The following ASAP2 variants were observed in gnomAD, a reference collection of about 807,000 sequenced individuals.
ASAP2 encodes arf-GAP with SH3 domain, ANK repeat and PH domain-containing protein 2.
A neutral mutation model predicts 131.4 loss-of-function variants in ASAP2; 45 were observed. The observed-to-expected ratio is 0.34, with a 90% CI of 0.27 to 0.44. The LOEUF is 0.44. Among genes scored for constraint, ASAP2 ranks in the 20% least tolerant of loss-of-function variants. ASAP2 has a pLI of 1.00. For missense variants in ASAP2, 1,011 were observed against 1,297.0 expected, an observed-to-expected ratio of 0.78 and a Z score of 3.39; for synonymous variants, 510 against 503.0, an observed-to-expected ratio of 1.01 and a Z score of -0.19.
chr2:9,376,025 G>A (rs1674372876), intron 17 of ASAP2, among the ~76,000 whole-genome samples: 1 of 152,244 alleles, frequency 6.6e-6, no homozygotes, highest in Non-Finnish European at 1.5e-5. Flanking sequence ...CCCTGTAGAT[G>A]CACATTTGGT....
At chr2:9,364,000 C>G (rs1411621303) in intron 15 of ASAP2, among the ~76,000 whole-genome samples, 1 of 152,164 alleles carries the variant, frequency 6.6e-6, no homozygotes, top group Non-Finnish European at 1.5e-5. Context: ...AGCAAACCTA[C>G]TTTGGGAAAA....
At chr2:9,251,047 A>G (rs145420401) in intron 1 of ASAP2, among the ~76,000 whole-genome samples, 2 of 152,360 alleles carry the variant, frequency 1.3e-5, no homozygotes, top group African/African-American at 4.8e-5. Context: ...TAGAGTTTGA[A>G]TTGGAGACAG....
At chr2:9,307,449 T>C (rs561590584) in intron 3 of ASAP2, among the ~76,000 whole-genome samples, 20 of 152,382 alleles carry the variant, frequency 1.3e-4, no homozygotes, top group Non-Finnish European at 2.4e-4. Flanking sequence ...CTTTCATTTC[T>C]GGTTGATGGC....
chr2:9,237,554 G>A (rs1663639773), intron 1 of ASAP2, among the ~76,000 whole-genome samples: 1 of 151,898 alleles, frequency 6.6e-6, no homozygotes, highest in African/African-American at 2.4e-5. Flanking sequence ...TGGGACTACA[G>A]GTACATGCCA....
At chr2:9,218,751 T>G (rs1027200187) in intron 1 of ASAP2, among the ~76,000 whole-genome samples, 1 of 152,270 alleles carries the variant, frequency 6.6e-6, no homozygotes, top group African/African-American at 2.4e-5. Context: ...CCATGTCTGC[T>G]GCTGTCTGCA....
chr2:9,367,908 A>G (rs1464117839), intron 15 of ASAP2, among the ~76,000 whole-genome samples: 1 of 152,246 alleles, frequency 6.6e-6, no homozygotes, highest in Non-Finnish European at 1.5e-5. Context: ...AAGTATAGGT[A>G]TCATCCCATT....
intron 22 of ASAP2, among the ~76,000 whole-genome samples, chr2:9,390,061 G>A (rs921829253): frequency 6.6e-6 from 1 of 152,236 alleles, no homozygotes; most frequent in Non-Finnish European, 1.5e-5. Flanking sequence ...GGGTCATGGA[G>A]GGGTAAACTC....
intron 1 of ASAP2, among the ~76,000 whole-genome samples, chr2:9,259,635 G>A (rs1323531928): frequency 6.6e-6 from 1 of 152,222 alleles, no homozygotes; most frequent in Non-Finnish European, 1.5e-5. Flanking sequence ...CTTGCTCCTT[G>A]GCGCTCTCAG....
At chr2:9,231,390 C>T (rs1663151125) in intron 1 of ASAP2, among the ~76,000 whole-genome samples, 7 of 152,160 alleles carry the variant, frequency 4.6e-5, no homozygotes, top group Admixed American at 4.6e-4. Context: ...CTTTAAGACC[C>T]AGTTTTAGCA....
chr2:9,267,306 T>G (rs1433579730), intron 1 of ASAP2, among the ~76,000 whole-genome samples: 1 of 152,158 alleles, frequency 6.6e-6, no homozygotes, highest in Non-Finnish European at 1.5e-5. Flanking sequence ...ATCTCTCCGC[T>G]CTCTAGTAGT....
At chr2:9,344,916 T>G in intron 11 of ASAP2, 116 bp downstream of exon 11, 1 of 802,670 alleles carries the variant, frequency 1.2e-6, no homozygotes, top group Non-Finnish European at 1.9e-6. Flanking sequence ...ATTAAGGATG[T>G]GTCTTAGAGA....
intron 1 of ASAP2, among the ~76,000 whole-genome samples, chr2:9,253,447 A>C (rs1274224720): frequency 6.6e-6 from 1 of 152,206 alleles, no homozygotes; most frequent in Non-Finnish European, 1.5e-5. Context: ...TACAGGCATG[A>C]ACCACTGTGC....
chr2:9,223,040 A>C (rs751642279), intron 1 of ASAP2, among the ~76,000 whole-genome samples: 1 of 152,142 alleles, frequency 6.6e-6, no homozygotes, highest in Non-Finnish European at 1.5e-5. Context: ...GTCCCACTTT[A>C]ATTTGGGATT....
intron 11 of ASAP2, among the ~76,000 whole-genome samples, chr2:9,346,224 G>A (rs766690641): frequency 2.6e-5 from 4 of 152,028 alleles, no homozygotes; most frequent in Non-Finnish European, 4.4e-5. Flanking sequence ...GGTCAGGTTC[G>A]AGGCCAGCCT....
At chr2:9,236,982 G>A (rs565261685) in intron 1 of ASAP2, among the ~76,000 whole-genome samples, 70 of 152,240 alleles carry the variant, frequency 4.6e-4, no homozygotes, top group Middle Eastern at 6.8e-3. Context: ...ACGGGCAGGC[G>A]GACCAGGCAG....
chr2:9,350,906 C>G lies in ASAP2; in HGVS notation c.1111+11C>G, dbSNP rs754844322. The G allele has an allele frequency of 1.9e-5, 30 of 1,593,626 alleles. No individual in the cohort carries two copies. The highest frequency in any genetic ancestry group is 2.4e-5 in the Non-Finnish European group (28 of 1,164,662). On this transcript the variant is annotated intron_variant, in intron 12 of 27. Coordinates refer to ENST00000281419, the MANE Select transcript of ASAP2 (RefSeq NM_003887.3). The stretch of plus-strand genomic sequence containing the variant: ...TTGACCTCATTTCACGTAAGGCTCC[C>G]TCTGAGATGCCGCGCCATAGAGACG...
At chr2:9,238,324 C>G (rs778221964) in intron 1 of ASAP2, among the ~76,000 whole-genome samples, 12 of 152,354 alleles carry the variant, frequency 7.9e-5, no homozygotes, top group Non-Finnish European at 1.6e-4. Context: ...GTTTCCCCAT[C>G]TGTAACACCA....
chr2:9,214,805 A>G (rs1021543418), intron 1 of ASAP2, among the ~76,000 whole-genome samples: 3 of 150,570 alleles, frequency 2.0e-5, no homozygotes, highest in African/African-American at 7.3e-5. Flanking sequence ...AAAAGTGAAC[A>G]GGACTAGCTC....
At chr2:9,208,070 G>A (rs1661262436) in intron 1 of ASAP2, among the ~76,000 whole-genome samples, 1 of 152,196 alleles carries the variant, frequency 6.6e-6, no homozygotes, top group Non-Finnish European at 1.5e-5. Context: ...GTGAGTCCAG[G>A]GGCCACCGTT....
Sources: gnomAD v4.1 joint callset for allele counts (sites outside exome capture counted in the v4.1 genomes callset) on GRCh38, gnomAD v4.1.1 for gene constraint, MANE v1.5 for transcripts, NCBI Gene and HGNC (gene_info 2026-07-23, HGNC 2026-07-21) for gene names.